The following NPHS2 variants were observed in gnomAD, a reference collection of about 807,000 sequenced individuals.
The protein encoded by NPHS2 is podocin.
Under a neutral mutation model 37.1 loss-of-function variants are expected in NPHS2, and 36 were observed. The observed-to-expected ratio is 0.97, with a 90% CI of 0.74 to 1.28. NPHS2 has a LOEUF of 1.28. Ranked by LOEUF, NPHS2 falls within the 50% of genes most tolerant of loss-of-function variation. The pLI is 0.00. For missense variants in NPHS2, 447 were observed against 488.1 expected (o/e 0.92, Z 0.79); for synonymous variants, 196 against 189.3 (o/e 1.04, Z -0.29).
intron 6 of NPHS2, 123 bp from the exon 7 acceptor site, chr1:179,552,804 G>C: frequency 1.3e-6 from 1 of 751,798 alleles, no homozygotes; most frequent in Non-Finnish European, 2.4e-6. Context: ...GGAGTGACCA[G>C]AGTGTGCCAT....
chr1:179,551,532 C>T, intron 7 of NPHS2, 81 bp from the exon 8 acceptor site: 3 of 1,529,714 alleles, frequency 2.0e-6, no homozygotes, highest in Non-Finnish European at 2.7e-6. Flanking sequence ...ACTCAGCAGA[C>T]AAGCACTGAG....
At chr1:179,551,500 G>A in intron 7 of NPHS2, 49 bp from the exon 8 acceptor site, 1 of 1,608,304 alleles carries the variant, frequency 6.2e-7, no homozygotes, top group Non-Finnish European at 8.5e-7. Context: ...ATTCCCTGAA[G>A]GCTTCACCAC....
chr1:179,566,014 G>A (rs913211676), intron 1 of NPHS2, among the ~76,000 whole-genome samples: 5 of 152,108 alleles, frequency 3.3e-5, no homozygotes, highest in Admixed American at 1.3e-4. Flanking sequence ...TCTGAATAGT[G>A]CCTCAATAAA....
At chr1:179,559,027 TG>T (rs35671368) in intron 4 of NPHS2, among the ~76,000 whole-genome samples, 30,760 of 152,034 alleles carry the variant, frequency 0.2, 3,793 homozygotes, top group Non-Finnish European at 0.27. Flanking sequence ...ATAGGTATGC[TG>T]GGGTGGGGAG....
intron 6 of NPHS2, among the ~76,000 whole-genome samples, chr1:179,553,910 T>TA (rs1464951553): frequency 7.8e-6 from 1 of 127,592 alleles, no homozygotes; most frequent in African/African-American, 3.4e-5. Context: ...CACCCCTGGC[T>TA]AATTTTTTTT....
chr1:179,568,973 A>G (rs1438313031), intron 1 of NPHS2, among the ~76,000 whole-genome samples: 1 of 152,178 alleles, frequency 6.6e-6, no homozygotes, highest in African/African-American at 2.4e-5. Context: ...ACTTCCAATT[A>G]TGTGGTCAAT....
chr1:179,552,600 C>A lies in NPHS2; in HGVS notation c.873+3G>T. The A allele has an allele frequency of 6.2e-7, 1 of 1,612,264 alleles. No homozygotes were observed. The highest frequency in any genetic ancestry group is 1.1e-5 in the South Asian group (1 of 90,830). On this transcript the variant is annotated splice_donor_region_variant and intron_variant, in intron 7 of 7. Coordinates refer to ENST00000367615, the MANE Select transcript of NPHS2 (RefSeq NM_014625.4). ...AGTCTGGGTGGGAGGATGGAGTGCT[C>A]ACCCGCACTTTGGCTTGTCTTTGCG...
intron 3 of NPHS2, 94 bp downstream of exon 3, chr1:179,561,195 A>G: frequency 1.2e-6 from 1 of 863,954 alleles, no homozygotes; most frequent in Non-Finnish European, 2.0e-6. Flanking sequence ...AAGTTACTTC[A>G]TTTAATCTGA....
chr1:179,553,974 A>G (rs537255730), intron 6 of NPHS2, among the ~76,000 whole-genome samples: 1 of 145,960 alleles, frequency 6.9e-6, no homozygotes, highest in South Asian at 2.2e-4. Flanking sequence ...GCACAGTGGC[A>G]TGATCTTGGC....
At position 179,575,605 on chromosome 1, in the gene NPHS2, T is replaced by C; in HGVS notation, c.260A>G (p.Glu87Gly). ...GTEVVALLES[E>G]RPEEGTKSSG... is the part of the protein sequence containing the mutation. Reference sequence around the variant, plus strand: ...TGAATCCGTACCTTCCTCGGGCCGCTCGCTCTCCAACAGCGCCACCACCTC... The same window carrying C: ...TGAATCCGTACCTTCCTCGGGCCGCCCGCTCTCCAACAGCGCCACCACCTC... The change falls in exon 1 of 8, where the codon GAG (glutamate) becomes GGG (glycine). Residue 87 changes from glutamate to glycine, a missense_variant. Glu to Gly is a moderately conservative substitution (Grantham distance 98). Coordinates refer to ENST00000367615, the MANE Select transcript of NPHS2 (RefSeq NM_014625.4). 1.2e-6 allele frequency: 2 copies of C among 1,602,166 alleles called. No individual in the cohort carries two copies. Among genetic ancestry groups the C allele is most frequent in the South Asian group, 2.2e-5 (2 of 91,058 alleles).
chr1:179,571,590 T>G (rs1023957873), intron 1 of NPHS2, among the ~76,000 whole-genome samples: 4 of 152,256 alleles, frequency 2.6e-5, no homozygotes, highest in African/African-American at 9.6e-5. Flanking sequence ...GGAGAACCAC[T>G]GCTCTCTTCA....
In NPHS2 at chr1:179,551,383, G is replaced by A. The variant is rs1229820034; in HGVS notation, c.942C>T (p.Gly314=). ...ATCGAAGCTGAACGGCAGCAGGGGTGCCTGACAGAATCTCAGCTGCCATCC... is the reference window on the plus strand; with the variant it reads ...ATCGAAGCTGAACGGCAGCAGGGGTACCTGACAGAATCTCAGCTGCCATCC... ...SLRMAAEILS[G]TPAAVQLRYL... is the part of the protein sequence containing the mutation. Residue 314 remains glycine, a synonymous_variant, in exon 8 of 8, where the codon GGC becomes GGT. Coordinates refer to ENST00000367615, the MANE Select transcript of NPHS2 (RefSeq NM_014625.4). 6.2e-7 allele frequency: 1 copy of A among 1,614,094 alleles called. No homozygotes were observed. The highest frequency in any genetic ancestry group is 8.5e-7 in the Non-Finnish European group (1 of 1,179,984).
chr1:179,563,902 T>G (rs868586938), intron 2 of NPHS2, among the ~76,000 whole-genome samples: 1 of 152,266 alleles, frequency 6.6e-6, no homozygotes, highest in Middle Eastern at 3.4e-3. Flanking sequence ...GGTGTACTGT[T>G]TCAGCCAAGG....
chr1:179,562,809 T>C (rs1674194555), intron 2 of NPHS2, among the ~76,000 whole-genome samples: 1 of 152,224 alleles, frequency 6.6e-6, no homozygotes, highest in South Asian at 2.1e-4. Flanking sequence ...TACTTGTTTC[T>C]TACCTGCTTT....
At chr1:179,552,887 T>C (rs1673529901) in intron 6 of NPHS2, among the ~76,000 whole-genome samples, 1 of 152,250 alleles carries the variant, frequency 6.6e-6, no homozygotes, top group South Asian at 2.1e-4. Context: ...GTATTATTGC[T>C]GATGCTACAG....
At chr1:179,561,115 A>G (rs1281725336) in intron 3 of NPHS2, among the ~76,000 whole-genome samples, 174 bp downstream of exon 3, 1 of 152,248 alleles carries the variant, frequency 6.6e-6, no homozygotes, top group African/African-American at 2.4e-5. Context: ...ATGACCTAGT[A>G]GTAATAGTCT....
chr1:179,554,131 C>T (rs1673724665), intron 6 of NPHS2, among the ~76,000 whole-genome samples: 1 of 152,140 alleles, frequency 6.6e-6, no homozygotes, highest in Non-Finnish European at 1.5e-5. Flanking sequence ...CCAGGCTGGT[C>T]TCAAACTCCT....
chr1:179,566,129 T>C (rs1674325834), intron 1 of NPHS2, among the ~76,000 whole-genome samples: 1 of 152,268 alleles, frequency 6.6e-6, no homozygotes, highest in Non-Finnish European at 1.5e-5. Context: ...TCTAGATCCT[T>C]GAGGAATTGC....
In NPHS2 at chr1:179,556,296, G is replaced by A. The variant is rs1035766082; in HGVS notation, c.738+731C>T. ...AGTTCTGGGCCTGGGTGTCCCCACT[G>A]CTTCAGTGACAGGCTCCATTGCTGG... is the stretch of plus-strand genomic sequence containing the variant. On this transcript the variant is annotated intron_variant, in intron 5 of 7. Coordinates refer to ENST00000367615, the MANE Select transcript of NPHS2 (RefSeq NM_014625.4). The surrounding 1 kb of genome is among the most constrained non-coding windows in gnomAD (Gnocchi z 4.1). 1.3e-5 allele frequency among the ~76,000 whole-genome samples: 2 copies of A among 152,190 alleles called. No individual in the cohort carries two copies. Among genetic ancestry groups the A allele is most frequent in the East Asian group, 3.9e-4 (2 of 5,180 alleles).
Sources: allele counts gnomAD v4.1 joint callset (sites outside exome capture counted in the v4.1 genomes callset), GRCh38; gene constraint gnomAD v4.1.1; non-coding constraint Gnocchi (gnomAD v3.1); transcripts MANE v1.5; gene names NCBI Gene and HGNC (gene_info 2026-07-23, HGNC 2026-07-21).